TRIP12: variants seen among roughly 807,000 people sequenced by gnomAD.
The protein encoded by TRIP12 is E3 ubiquitin-protein ligase TRIP12.
A neutral mutation model predicts 244.2 loss-of-function variants in TRIP12; 25 were observed. The ratio of observed to expected loss-of-function variants is 0.10; its 90% CI spans 0.07 to 0.14. The LOEUF (loss-of-function observed/expected upper bound fraction) is 0.14, where lower values mean the gene tolerates loss of function less well. Among genes scored for constraint, TRIP12 ranks in the 10% least tolerant of loss-of-function variants. The pLI, the probability that TRIP12 is intolerant of heterozygous loss-of-function variation, is 1.00. For synonymous variants in TRIP12, 905 were observed against 873.1 expected, an observed-to-expected ratio of 1.04 and a Z score of -0.64; for missense variants, 1,677 against 2,486.4, an observed-to-expected ratio of 0.67 and a Z score of 6.92.
chr2:229,801,201 C>T (rs1205408148), intron 21 of TRIP12, among the ~76,000 whole-genome samples: 1 of 152,156 alleles, frequency 6.6e-6, no homozygotes, highest in African/African-American at 2.4e-5. Flanking sequence ...CTCTCCAAGC[C>T]CAATCTCCTC....
chr2:229,849,774 G>A (rs1407700861), intron 4 of TRIP12, among the ~76,000 whole-genome samples: 8 of 152,112 alleles, frequency 5.3e-5, no homozygotes, highest in Admixed American at 1.3e-4. Flanking sequence ...CCGGGATGCT[G>A]AGGTGGGAAC....
intron 41 of TRIP12, 140 bp from the exon 42 acceptor site, chr2:229,767,890 T>G: frequency 1.2e-6 from 1 of 804,116 alleles, no homozygotes; most frequent in Admixed American, 3.1e-5. Flanking sequence ...CAATATACAT[T>G]AAGTGCAAGG....
intron 16 of TRIP12, 97 bp from the exon 17 acceptor site, chr2:229,807,961 T>C: frequency 1.5e-6 from 2 of 1,334,564 alleles, no homozygotes; most frequent in South Asian, 3.0e-5. Context: ...CCAAAAGTTG[T>C]ATTTAGACCA....
At chr2:229,803,393 C>T (rs1176340354) in intron 20 of TRIP12, among the ~76,000 whole-genome samples, 178 bp downstream of exon 20, 3 of 152,188 alleles carry the variant, frequency 2.0e-5, no homozygotes, top group African/African-American at 4.8e-5. Context: ...GGGTTACAGG[C>T]GTGAGCCACC....
chr2:229,859,017 C>A lies in TRIP12; in HGVS notation c.782G>T (p.Gly261Val). 3 of 1,614,168 alleles carry A rather than the reference C, an allele frequency of 1.9e-6. No individual in the cohort carries two copies. Among genetic ancestry groups the A allele is most frequent in the Non-Finnish European group, 2.5e-6 (3 of 1,180,036 alleles). ...VASASSTVPP[G>V]ARVKQGKDQN... The stretch of plus-strand genomic sequence containing the variant: ...ATCTTTTCCTTGTTTCACTCTGGCA[C>A]CTGGTGGTACAGTGGAGGAGGCCGA... Residue 261 changes from glycine to valine, a missense_variant, in exon 4 of 42, where the codon GGT (glycine) becomes GTT (valine). Coordinates refer to ENST00000675903, the MANE Select transcript of TRIP12 (RefSeq NM_001348323.3).
chr2:229,922,122 GCA>G (rs1478790531), upstream of TRIP12: 1 of 178,248 alleles, frequency 5.6e-6, no homozygotes. Context: ...CGCGGGACCG[GCA>G]CCGCTGCCTA....
At chr2:229,861,975 A>G (rs1280464069) in intron 2 of TRIP12, among the ~76,000 whole-genome samples, 6 of 152,144 alleles carry the variant, frequency 3.9e-5, no homozygotes, top group Non-Finnish European at 8.8e-5. Flanking sequence ...ATACTTCAAG[A>G]AGCATATTTT....
intron 1 of TRIP12, among the ~76,000 whole-genome samples, chr2:229,902,107 G>C (rs1576943838): frequency 6.6e-6 from 1 of 152,134 alleles, no homozygotes; most frequent in South Asian, 2.1e-4. Flanking sequence ...TTAAAGCCAG[G>C]CATGGTGACT....
intron 1 of TRIP12, among the ~76,000 whole-genome samples, chr2:229,897,993 T>C (rs1449717602): frequency 6.6e-6 from 1 of 152,194 alleles, no homozygotes; most frequent in African/African-American, 2.4e-5. Flanking sequence ...GGTACCTAGA[T>C]TGTAAAACCT....
At position 229,883,742 on chromosome 2, in the gene TRIP12, G is replaced by A. The variant is rs1160560407; in HGVS notation, c.-49-3614C>T. ...TCTTCAAGGTTGAAAACAAATTCAC[G>A]ACAATTTTAATCACAGAGTATACAA... On this transcript the variant is annotated intron_variant, in intron 1 of 41. Coordinates refer to ENST00000675903, the MANE Select transcript of TRIP12 (RefSeq NM_001348323.3). 4.6e-5 allele frequency among the ~76,000 whole-genome samples: 7 copies of A among 152,140 alleles called. No homozygotes were observed. In the East Asian group the frequency reaches 7.7e-4, roughly 17 times the overall value.
intron 1 of TRIP12, among the ~76,000 whole-genome samples, chr2:229,888,162 T>C (rs1022236248): frequency 2.6e-5 from 4 of 152,198 alleles, no homozygotes; most frequent in African/African-American, 9.7e-5. Flanking sequence ...TGTAGCAGCA[T>C]TATCAAATGA....
chr2:229,786,429 C>T (rs370237735), intron 33 of TRIP12, among the ~76,000 whole-genome samples: 4 of 139,078 alleles, frequency 2.9e-5, no homozygotes, highest in African/African-American at 1.1e-4. Context: ...GGTGGCGTCT[C>T]GCTCTGTTGC....
chr2:229,850,615 C>A (rs1049294927), intron 4 of TRIP12, among the ~76,000 whole-genome samples: 1 of 152,222 alleles, frequency 6.6e-6, no homozygotes, highest in Admixed American at 6.5e-5. Context: ...CCAACTTTGG[C>A]GGCACCTGAG....
intron 4 of TRIP12, among the ~76,000 whole-genome samples, chr2:229,850,829 C>A (rs1224493443): frequency 6.6e-6 from 1 of 152,248 alleles, no homozygotes; most frequent in Non-Finnish European, 1.5e-5. Context: ...CCGGCCCTGC[C>A]GGCCCCAGGC....
chr2:229,789,092 C>T (rs956915646), intron 31 of TRIP12, 152 bp from the exon 32 acceptor site: 3 of 720,528 alleles, frequency 4.2e-6, no homozygotes, highest in East Asian at 2.7e-5. Context: ...ATTACTGTGT[C>T]CCAACTAAAA....
At position 229,813,861 on chromosome 2, in the gene TRIP12, A is replaced by C; in HGVS notation, c.1986+9T>G. On this transcript the variant is annotated intron_variant, in intron 13 of 41. Coordinates refer to ENST00000675903, the MANE Select transcript of TRIP12 (RefSeq NM_001348323.3). The stretch of plus-strand genomic sequence containing the variant: ...ACTTTATGGCACATAAAATAGATGC[A>C]TATTTTACCTGATGTGTTAGCCTTT... 6.8e-7 allele frequency: 1 copy of C among 1,480,730 alleles called. No homozygotes were observed. The highest frequency in any genetic ancestry group is 9.1e-7 in the Non-Finnish European group (1 of 1,095,074). The allele number at this position is 1,480,730 out of a possible 1,614,324, so 91.7% of individuals were successfully genotyped here.
At chr2:229,871,185 A>C (rs1192167208) in intron 2 of TRIP12, among the ~76,000 whole-genome samples, 1 of 78,200 alleles carries the variant, frequency 1.3e-5, no homozygotes, top group South Asian at 5.5e-4. Context: ...AAAAGAAGAG[A>C]GGGGAGGAGA....
At chr2:229,806,784 A>T (rs1316296306) in intron 17 of TRIP12, among the ~76,000 whole-genome samples, 2 of 152,186 alleles carry the variant, frequency 1.3e-5, no homozygotes, top group African/African-American at 4.8e-5. Context: ...TTGGTTTAAA[A>T]TTTTTTCTAA....
intron 20 of TRIP12, among the ~76,000 whole-genome samples, chr2:229,802,823 T>G (rs3796072): frequency 6.6e-6 from 1 of 151,894 alleles, no homozygotes; most frequent in Non-Finnish European, 1.5e-5. Flanking sequence ...CCAGAAGGGA[T>G]GGAAAAGACC....
Sources: gnomAD v4.1 joint callset for allele counts (sites outside exome capture counted in the v4.1 genomes callset) on GRCh38, gnomAD v4.1.1 for gene constraint, MANE v1.5 for transcripts, NCBI Gene and HGNC (gene_info 2026-07-23, HGNC 2026-07-21) for gene names.